Variants in SORBS2 observed in about 807,000 individuals in gnomAD.
SORBS2 encodes the protein sorbin and SH3 domain containing 2.
A neutral mutation model predicts 97.7 loss-of-function variants in SORBS2; 46 were observed. The ratio of observed to expected loss-of-function variants is 0.47; its 90% CI spans 0.37 to 0.60. The LOEUF is 0.60. SORBS2 is among the 20% of genes least tolerant of loss of function. The probability of loss-of-function intolerance (pLI) is 0.00; values close to 1 mark genes in which losing one functional copy is unlikely to be tolerated. For synonymous variants in SORBS2, 476 were observed against 473.4 expected, an observed-to-expected ratio of 1.01 and a Z score of -0.07; for missense variants, 1,316 against 1,282.3, an observed-to-expected ratio of 1.03 and a Z score of -0.40.
At chr4:185,610,539 A>G (rs9312336) in intron 12 of SORBS2, among the ~76,000 whole-genome samples, 93,069 of 151,818 alleles carry the variant, frequency 0.61, 28,869 homozygotes, top group Admixed American at 0.68. Flanking sequence ...TTCAAAGAGG[A>G]TCACAATAAA....
At chr4:185,895,739 C>A (rs1421782345) in intron 1 of SORBS2, among the ~76,000 whole-genome samples, 1 of 152,250 alleles carries the variant, frequency 6.6e-6, no homozygotes, top group Non-Finnish European at 1.5e-5. Flanking sequence ...ACTTGAAGAA[C>A]AGTGACTTTG....
intron 1 of SORBS2, among the ~76,000 whole-genome samples, chr4:185,829,653 G>T (rs2099204078): frequency 6.6e-6 from 1 of 152,114 alleles, no homozygotes; most frequent in Non-Finnish European, 1.5e-5. Flanking sequence ...GTAGAAGAAT[G>T]AGTTTTCTTT....
chr4:185,854,524 T>G (rs1210147260), intron 1 of SORBS2, among the ~76,000 whole-genome samples: 1 of 152,224 alleles, frequency 6.6e-6, no homozygotes, highest in Non-Finnish European at 1.5e-5. Context: ...GAATACTGTT[T>G]TCTTTCAGTC....
chr4:185,640,354 A>G (rs1168015220), intron 4 of SORBS2, among the ~76,000 whole-genome samples: 1 of 152,238 alleles, frequency 6.6e-6, no homozygotes, highest in Non-Finnish European at 1.5e-5. Flanking sequence ...ACAAACGACT[A>G]CAATGGTGTT....
intron 1 of SORBS2, among the ~76,000 whole-genome samples, chr4:185,883,387 G>A (rs2099237813): frequency 6.6e-6 from 1 of 152,212 alleles, no homozygotes; most frequent in African/African-American, 2.4e-5. Flanking sequence ...ATCAATGCCG[G>A]TGGGGATGAG....
chr4:185,894,901 G>A (rs971482482), intron 1 of SORBS2, among the ~76,000 whole-genome samples: 13 of 152,218 alleles, frequency 8.5e-5, no homozygotes, highest in Non-Finnish European at 5.9e-5. Context: ...ACAGACAGGA[G>A]GGGCATGATC....
intron 2 of SORBS2, among the ~76,000 whole-genome samples, chr4:185,722,877 T>C (rs2098526552): frequency 6.6e-6 from 1 of 152,180 alleles, no homozygotes; most frequent in Non-Finnish European, 1.5e-5. Flanking sequence ...TTATTTTGTT[T>C]TGTAGCTAAA....
chr4:185,764,988 C>T (rs1327196286), intron 2 of SORBS2, among the ~76,000 whole-genome samples: 4 of 152,118 alleles, frequency 2.6e-5, no homozygotes, highest in South Asian at 4.1e-4. Context: ...GTAATTCCTT[C>T]CTTTGTCTGG....
intron 2 of SORBS2, among the ~76,000 whole-genome samples, chr4:185,695,102 A>C (rs1490313685): frequency 6.6e-6 from 1 of 152,114 alleles, no homozygotes; most frequent in African/African-American, 2.4e-5. Flanking sequence ...AGAATGGGTA[A>C]TTTAACTTTT....
At chr4:185,673,294 T>G (rs2097745360) in intron 4 of SORBS2, among the ~76,000 whole-genome samples, 1 of 152,192 alleles carries the variant, frequency 6.6e-6, no homozygotes, top group Admixed American at 6.5e-5. Context: ...ACTTACAAAT[T>G]TGTTAAGAAG....
chr4:185,946,249 T>C (rs923642873), intron 1 of SORBS2, among the ~76,000 whole-genome samples: 2 of 152,074 alleles, frequency 1.3e-5, no homozygotes, highest in Non-Finnish European at 2.9e-5. Flanking sequence ...TGAGTAGATG[T>C]GTGTTTTCGA....
intron 2 of SORBS2, among the ~76,000 whole-genome samples, chr4:185,768,999 C>T (rs2098953760): frequency 6.6e-6 from 1 of 152,012 alleles, no homozygotes; most frequent in South Asian, 2.1e-4. Flanking sequence ...ATAAAAGTAA[C>T]CAGAGCTCCT....
At chr4:185,951,994 G>A (rs969464312) in intron 1 of SORBS2, among the ~76,000 whole-genome samples, 1 of 151,484 alleles carries the variant, frequency 6.6e-6, no homozygotes, top group East Asian at 1.9e-4. Context: ...AAAGATGGCA[G>A]AATATCAAAA....
At chr4:185,928,597 G>C (rs924929991) in intron 1 of SORBS2, among the ~76,000 whole-genome samples, 2 of 152,072 alleles carry the variant, frequency 1.3e-5, no homozygotes, top group Non-Finnish European at 2.9e-5. Flanking sequence ...CCAGGCTGGA[G>C]TGCAGTGGCG....
At chr4:185,749,729 GT>G (rs1194944827) in intron 2 of SORBS2, among the ~76,000 whole-genome samples, 1 of 152,238 alleles carries the variant, frequency 6.6e-6, no homozygotes, top group Non-Finnish European at 1.5e-5. Flanking sequence ...TTTGCCAGGA[GT>G]TTATGGATCT....
chr4:185,875,188 T>C (rs1012853662), intron 1 of SORBS2, among the ~76,000 whole-genome samples: 3 of 152,166 alleles, frequency 2.0e-5, no homozygotes, highest in South Asian at 2.1e-4. Context: ...AAGATATCTA[T>C]TGGATGACAT....
intron 2 of SORBS2, among the ~76,000 whole-genome samples, chr4:185,728,140 C>T (rs1293542076): frequency 6.6e-6 from 1 of 152,152 alleles, no homozygotes; most frequent in African/African-American, 2.4e-5. Flanking sequence ...CCCAAGAACT[C>T]GATTCAGCTA....
intron 1 of SORBS2, among the ~76,000 whole-genome samples, chr4:185,941,136 T>G (rs1018247068): frequency 4.6e-5 from 7 of 152,232 alleles, no homozygotes; most frequent in African/African-American, 1.7e-4. Flanking sequence ...ATAATTAACA[T>G]GTATTTCAGA....
chr4:185,615,084 G>T (rs2096607718), exon 10 of SORBS2: 2 of 1,613,826 alleles, frequency 1.2e-6, no homozygotes, highest in Non-Finnish European at 1.7e-6. Context: ...CTCTCCCGTG[G>T]TGTTCTCCCT....
Sources: allele counts gnomAD v4.1 joint callset (sites outside exome capture counted in the v4.1 genomes callset), GRCh38; gene constraint gnomAD v4.1.1; transcripts MANE v1.5; gene names NCBI Gene and HGNC (gene_info 2026-07-23, HGNC 2026-07-21).